Variants in FUS observed in about 807,000 individuals in gnomAD.
The protein encoded by FUS is RNA-binding protein FUS.
FUS carries 5 observed loss-of-function variants against 82.7 expected under a neutral mutation model. The observed-to-expected ratio is 0.06, with a 90% CI of 0.03 to 0.13. The LOEUF (loss-of-function observed/expected upper bound fraction) is 0.13. Ranked by LOEUF, FUS falls within the 10% of genes least tolerant of loss-of-function variation. The pLI, the probability that FUS is intolerant of heterozygous loss-of-function variation, is 1.00. For synonymous variants in FUS, 281 were observed against 247.4 expected, an observed-to-expected ratio of 1.14 and a Z score of -1.27; for missense variants, 512 against 707.8, an observed-to-expected ratio of 0.72 and a Z score of 3.14.
At chr16:31,193,242 C>A (rs1006265078), downstream of FUS, 4 of 503,456 alleles carry the variant, frequency 7.9e-6, no homozygotes, top group African/African-American at 5.7e-5. Flanking sequence ...GGTTTACTTC[C>A]CCTGCCAGCA....
downstream of FUS, chr16:31,192,949 T>G (rs1164390397): frequency 1.9e-5 from 9 of 485,710 alleles, no homozygotes; most frequent in Admixed American, 2.1e-4. Flanking sequence ...TTGGGTGATT[T>G]GAGGCACAGA....
At chr16:31,184,549 G>T (rs2079233139) in intron 5 of FUS, among the ~76,000 whole-genome samples, 153 bp downstream of exon 5, 1 of 151,192 alleles carries the variant, frequency 6.6e-6, no homozygotes, top group Non-Finnish European at 1.5e-5. Flanking sequence ...GTTCGCGCCA[G>T]TCTCCTGCCT....
At chr16:31,190,567 A>G in intron 12 of FUS, 169 bp downstream of exon 12, 1 of 1,195,636 alleles carries the variant, frequency 8.4e-7, no homozygotes, top group Non-Finnish European at 1.2e-6. Flanking sequence ...GGGAAAGGTA[A>G]TGGATTGGGT....
rs752712347 is a variant in FUS, at chr16:31,185,093, CGGCGGCGGTGGT to C, written c.681_692del (p.Gly228_Gly231del). 21 of 1,605,216 alleles carry C rather than the reference CGGCGGCGGTGGT, an allele frequency of 1.3e-5. No homozygotes were observed. In the South Asian group the frequency reaches 1.4e-4, roughly 11 times the overall value. On this transcript the variant is annotated inframe_deletion, in exon 6 of 15. Transcript: ENST00000254108. ...GGGGTGGCAGTGGTGGCGGCGGCGGCGGCGGCGGTGGTGGTTACAACCGCAGCAGTGGTGGCT... is the reference window on the plus strand; with the variant it reads ...GGGGTGGCAGTGGTGGCGGCGGCGGCGGTTACAACCGCAGCAGTGGTGGCT...
chr16:31,190,215 T>G, intron 11 of FUS, 60 bp from the exon 12 acceptor site: 2 of 1,613,890 alleles, frequency 1.2e-6, no homozygotes, highest in Non-Finnish European at 1.7e-6. Flanking sequence ...TTGCATGGAA[T>G]GGGTTAGATT....
chr16:31,185,759 T>A (rs1374080315), intron 6 of FUS: 1 of 328,814 alleles, frequency 3.0e-6, no homozygotes. Flanking sequence ...TGGGCAAAAA[T>A]ATGCTTTGAC....
At chr16:31,180,135 G>A (rs769328687), upstream of FUS, 15 of 1,567,270 alleles carry the variant, frequency 9.6e-6, no homozygotes, top group African/African-American at 1.3e-5. Context: ...CAGGAGGCGG[G>A]GCTGCTCAGT....
chr16:31,189,539 G>A, intron 9 of FUS, 126 bp from the exon 10 acceptor site: 1 of 1,303,166 alleles, frequency 7.7e-7, no homozygotes, highest in South Asian at 1.2e-5. Flanking sequence ...TGTGAGGTAG[G>A]AAGAAGTAAC....
chr16:31,192,758 G>T (rs1176130850), downstream of FUS: 3 of 479,972 alleles, frequency 6.3e-6, no homozygotes, highest in Admixed American at 4.6e-5. Context: ...TTTAGTGGAG[G>T]TGTGGTTTCA....
At chr16:31,188,393 A>G (rs762109409) in intron 8 of FUS, 36 bp downstream of exon 8, 11 of 1,610,822 alleles carry the variant, frequency 6.8e-6, no homozygotes, top group Non-Finnish European at 8.5e-6. Flanking sequence ...AAGAGTGGCT[A>G]AAGTGGTATC....
At chr16:31,191,248 G>C in intron 14 of FUS, 138 bp downstream of exon 14, 13 of 1,476,580 alleles carry the variant, frequency 8.8e-6, no homozygotes, top group Non-Finnish European at 1.2e-5. Flanking sequence ...GGAGAGGGAA[G>C]GAAAATTAAC....
Position 31,190,990 on chromosome 16 carries a change from G to T in FUS, c.1421G>T (p.Gly474Val), listed in dbSNP as rs1027007649. 2 of 1,613,546 alleles carry T rather than the reference G, an allele frequency of 1.2e-6. No homozygotes were observed. Among genetic ancestry groups the T allele is most frequent in the African/African-American group, 2.7e-5 (2 of 74,880 alleles). The change falls in exon 14 of 15, where the codon GGT becomes GTT. Residue 474 changes from glycine to valine, a missense_variant. By Grantham distance (109) the Gly-to-Val change is moderately radical. This residue lies in a region of FUS where 96 missense variants were observed against 120.7 expected (regional missense o/e 0.80). Transcript: ENST00000254108. ...MGGNYGDDRR[G>V]GRGGYDRGGY... ...GGTAACTACGGGGATGATCGTCGTG[G>T]TGGCAGAGGAGGCTATGATCGAGGC...
intron 12 of FUS, 158 bp downstream of exon 12, chr16:31,190,556 T>C: frequency 8.1e-7 from 1 of 1,237,452 alleles, no homozygotes; most frequent in South Asian, 1.2e-5. Context: ...GTTGATGTAA[T>C]GGGAAAGGTA....
At position 31,190,022 on chromosome 16, in the gene FUS, G is replaced by C; in HGVS notation, c.1067-18G>C. On this transcript the variant is annotated intron_variant, in intron 10 of 14. Coordinates refer to ENST00000254108, the MANE Select transcript of FUS (RefSeq NM_004960.4). ...TGTCTTGCATTTAAAGTCTGTTGATGATTTTTTGTTTCTCTAGGTAAAGAA... is the reference window on the plus strand; with the variant it reads ...TGTCTTGCATTTAAAGTCTGTTGATCATTTTTTGTTTCTCTAGGTAAAGAA... The C allele has an allele frequency of 1.2e-6, 2 of 1,601,992 alleles. No individual in the cohort carries two copies. Among genetic ancestry groups the C allele is most frequent in the Non-Finnish European group, 1.7e-6 (2 of 1,173,072 alleles).
intron 6 of FUS, chr16:31,185,954 C>T: frequency 4.2e-6 from 1 of 235,628 alleles, no homozygotes; most frequent in Non-Finnish European, 8.4e-6. Flanking sequence ...ACTCTGTCTC[C>T]CTTGAAAAAG....
downstream of FUS, chr16:31,194,159 C>T (rs983101331): frequency 7.5e-6 from 4 of 531,366 alleles, no homozygotes; most frequent in Non-Finnish European, 1.5e-5. Context: ...GGTTTCAGTA[C>T]TTGGATGTAG....
intron 1 of FUS, 100 bp from the exon 2 acceptor site, chr16:31,182,298 T>G: frequency 7.1e-7 from 1 of 1,412,056 alleles, no homozygotes; most frequent in Non-Finnish European, 1.0e-6. Context: ...GCCTACGTGG[T>G]CCTTTTTATT....
Position 31,184,396 on chromosome 16 carries a change from G to A in FUS, c.523G>A (p.Gly175Ser). The A allele has an allele frequency of 6.2e-7, 1 of 1,611,100 alleles. No homozygotes were observed. The highest frequency in any genetic ancestry group is 1.7e-5 in the Admixed American group (1 of 59,898). ...SGGGGGGGGG[G>S]NYGQDQSSMS... is the part of the protein sequence containing the mutation. ...TGGTGGAGGTGGAGGTGGAGGTGGAGGTGAGATGTCTTCAGCTTTGTCTGC... is the reference window on the plus strand; with the variant it reads ...TGGTGGAGGTGGAGGTGGAGGTGGAAGTGAGATGTCTTCAGCTTTGTCTGC... The change falls in exon 5 of 15, where the codon GGT (glycine) becomes AGT (serine). Residue 175 changes from glycine (G) to serine (S), a missense_variant and splice_region_variant. Gly to Ser is a moderately conservative substitution (Grantham distance 56). Coordinates refer to ENST00000254108, the MANE Select transcript of FUS (RefSeq NM_004960.4).
chr16:31,183,759 C>T lies in FUS; in HGVS notation c.191-99C>T, dbSNP rs1381320443. ...AACATCACTAACAGCTTCTGAGAGG[C>T]TGGCTTTATGAGTATAGGTATTATG... is the stretch of plus-strand genomic sequence containing the variant. On this transcript the variant is annotated intron_variant, in intron 3 of 14. Transcript: ENST00000254108. The T allele has an allele frequency of 2.1e-6, 3 of 1,451,904 alleles. No homozygotes were observed. In the African/African-American group the frequency reaches 4.2e-5, roughly 20 times the overall value. 89.9% of individuals were successfully genotyped at this position (1,451,904 alleles called of 1,614,324 possible).
Sources: gnomAD v4.1 joint callset for allele counts (sites outside exome capture counted in the v4.1 genomes callset) on GRCh38, gnomAD v4.1.1 for gene constraint, gnomAD v4.1.1 regional missense constraint, MANE v1.5 for transcripts, NCBI Gene and HGNC (gene_info 2026-07-23, HGNC 2026-07-21) for gene names.